Variants in GRM5 observed in about 807,000 individuals in gnomAD.
GRM5 encodes metabotropic glutamate receptor 5.
Under a neutral mutation model 83.1 loss-of-function variants are expected in GRM5, and 19 were observed. The observed-to-expected ratio is 0.23, with a 90% CI of 0.16 to 0.34. The LOEUF is 0.34. GRM5 is among the 10% of genes least tolerant of loss of function. GRM5 has a pLI of 1.00. For missense variants in GRM5, 1,160 were observed against 1,588.3 expected (o/e 0.73, Z 4.58); for synonymous variants, 675 against 633.6 (o/e 1.07, Z -0.98).
At chr11:88,910,524 A>AT (rs1364394279) in intron 2 of GRM5, among the ~76,000 whole-genome samples, 3 of 152,118 alleles carry the variant, frequency 2.0e-5, no homozygotes, top group Non-Finnish European at 4.4e-5. Flanking sequence ...CAGCAGTTAC[A>AT]TCATTTTACA....
chr11:88,818,424 T>C (rs188130707), intron 3 of GRM5, among the ~76,000 whole-genome samples: 64 of 152,196 alleles, frequency 4.2e-4, no homozygotes, highest in Admixed American at 2.9e-3. Context: ...TCCATAAAAA[T>C]AAGAAAAATT....
intron 2 of GRM5, among the ~76,000 whole-genome samples, chr11:88,922,803 G>A (rs1027178722): frequency 6.6e-6 from 1 of 151,942 alleles, no homozygotes; most frequent in African/African-American, 2.4e-5. Flanking sequence ...CCATAGAATG[G>A]GAAAAATGTT....
At chr11:88,965,468 G>T (rs1938925198) in intron 2 of GRM5, among the ~76,000 whole-genome samples, 1 of 152,018 alleles carries the variant, frequency 6.6e-6, no homozygotes, top group African/African-American at 2.4e-5. Context: ...TTGAGATTAG[G>T]ATTTCAACAT....
At chr11:89,027,262 A>T (rs1941149571) in intron 2 of GRM5, among the ~76,000 whole-genome samples, 1 of 151,794 alleles carries the variant, frequency 6.6e-6, no homozygotes, top group Admixed American at 6.6e-5. Context: ...CATCCAACAA[A>T]TTTTTGTATT....
chr11:88,993,586 G>A (rs1319724494), intron 2 of GRM5, among the ~76,000 whole-genome samples: 2 of 151,952 alleles, frequency 1.3e-5, no homozygotes, highest in South Asian at 2.1e-4. Flanking sequence ...GTCTTTTTTG[G>A]TTCTCAAAGA....
chr11:88,976,190 C>G (rs1271196850), intron 2 of GRM5, among the ~76,000 whole-genome samples: 7 of 152,020 alleles, frequency 4.6e-5, no homozygotes, highest in African/African-American at 1.7e-4. Flanking sequence ...TAGGTAATTA[C>G]AACTTAAAAT....
chr11:88,806,651 G>C (rs1383649454), intron 3 of GRM5, among the ~76,000 whole-genome samples: 1 of 152,058 alleles, frequency 6.6e-6, no homozygotes, highest in Non-Finnish European at 1.5e-5. Flanking sequence ...TACTTTACAT[G>C]GGGCTAGATT....
intron 5 of GRM5, among the ~76,000 whole-genome samples, chr11:88,604,133 C>A (rs1420176681): frequency 6.6e-6 from 1 of 151,764 alleles, no homozygotes; most frequent in Non-Finnish European, 1.5e-5. Context: ...GGGGACTGAC[C>A]TATACTTATG....
intron 3 of GRM5, among the ~76,000 whole-genome samples, chr11:88,745,955 T>C (rs1190079499): frequency 2.0e-5 from 3 of 152,156 alleles, no homozygotes; most frequent in Non-Finnish European, 2.9e-5. Context: ...GGTTCCCTCA[T>C]CTTTAAAACG....
At chr11:88,667,546 A>G (rs1357864698) in intron 3 of GRM5, among the ~76,000 whole-genome samples, 3 of 152,178 alleles carry the variant, frequency 2.0e-5, no homozygotes, top group Non-Finnish European at 4.4e-5. Flanking sequence ...CCAAAACTAG[A>G]GGTCATAGAA....
chr11:88,599,546 G>C (rs1480075425), intron 5 of GRM5, among the ~76,000 whole-genome samples: 1 of 152,146 alleles, frequency 6.6e-6, no homozygotes, highest in African/African-American at 2.4e-5. Context: ...ATTGGTATGA[G>C]CCCTTTTAAT....
At chr11:88,604,590 A>T (rs1938089888) in intron 5 of GRM5, 128 bp downstream of exon 5, 1 of 760,002 alleles carries the variant, frequency 1.3e-6, no homozygotes, top group African/African-American at 1.7e-5. Context: ...CTCATTTGGG[A>T]TGTCAGGGAA....
chr11:88,532,840 G>GA (rs574842474), intron 8 of GRM5, among the ~76,000 whole-genome samples: 8 of 152,022 alleles, frequency 5.3e-5, no homozygotes, highest in Non-Finnish European at 7.4e-5. Context: ...AGTAATTGTA[G>GA]AAAAAAGGAG....
intron 8 of GRM5, among the ~76,000 whole-genome samples, chr11:88,556,437 C>T (rs1047660713): frequency 6.6e-6 from 1 of 151,716 alleles, no homozygotes; most frequent in Non-Finnish European, 1.5e-5. Context: ...ATTCTCCTGC[C>T]TCAGTCTCCC....
At chr11:88,516,051 A>G (rs541879394) in intron 9 of GRM5, among the ~76,000 whole-genome samples, 1 of 152,322 alleles carries the variant, frequency 6.6e-6, no homozygotes, top group South Asian at 2.1e-4. Flanking sequence ...TTACTTATTT[A>G]CAAGTCTGTT....
intron 3 of GRM5, among the ~76,000 whole-genome samples, chr11:88,738,204 G>C (rs1374961379): frequency 2.0e-5 from 3 of 151,830 alleles, no homozygotes; most frequent in African/African-American, 7.2e-5. Flanking sequence ...ATATGTGGCA[G>C]AATAGAGTGA....
At chr11:88,557,337 A>T (rs948887119) in intron 8 of GRM5, among the ~76,000 whole-genome samples, 1 of 152,150 alleles carries the variant, frequency 6.6e-6, no homozygotes, top group African/African-American at 2.4e-5. Flanking sequence ...AGCCATTATT[A>T]ATCCTTATCA....
intron 2 of GRM5, among the ~76,000 whole-genome samples, chr11:89,021,978 A>T (rs369659426): frequency 6.6e-6 from 1 of 152,226 alleles, no homozygotes; most frequent in African/African-American, 2.4e-5. Context: ...GTTAAACCAC[A>T]TGAGAATTTG....
chr11:88,977,185 CTATTTT>C (rs2135016029), intron 2 of GRM5, among the ~76,000 whole-genome samples: 1 of 149,906 alleles, frequency 6.7e-6, no homozygotes, highest in South Asian at 2.1e-4. Flanking sequence ...ATTTTTGTTT[CTATTTT>C]TATTTTATAT....
Sources: allele counts gnomAD v4.1 joint callset (sites outside exome capture counted in the v4.1 genomes callset), GRCh38; gene constraint gnomAD v4.1.1; transcripts MANE v1.5; gene names NCBI Gene and HGNC (gene_info 2026-07-23, HGNC 2026-07-21).